The following DSE variants were observed in gnomAD, a reference collection of about 807,000 sequenced individuals.
The protein encoded by DSE is dermatan-sulfate epimerase.
Under a neutral mutation model 84.4 loss-of-function variants are expected in DSE, and 36 were observed. That is an observed-to-expected ratio of 0.43 (90% CI 0.33 to 0.56). The LOEUF (loss-of-function observed/expected upper bound fraction) is 0.56, where lower values mean the gene tolerates loss of function less well. Ranked by LOEUF, DSE falls within the 20% of genes least tolerant of loss-of-function variation. The probability of loss-of-function intolerance (pLI) is 0.06; values close to 1 mark genes in which losing one functional copy is unlikely to be tolerated. For synonymous variants in DSE, 410 were observed against 430.1 expected, an observed-to-expected ratio of 0.95 and a Z score of 0.58; for missense variants, 862 against 1,169.6, an observed-to-expected ratio of 0.74 and a Z score of 3.84.
chr6:116,298,949 T>A (rs1774829701), intron 2 of DSE, among the ~76,000 whole-genome samples: 1 of 152,216 alleles, frequency 6.6e-6, no homozygotes, highest in Non-Finnish European at 1.5e-5. Context: ...CTTGTTCTTT[T>A]GAACCCGTAG....
At chr6:116,267,620 A>G (rs547150010) in intron 2 of DSE, among the ~76,000 whole-genome samples, 1 of 152,312 alleles carries the variant, frequency 6.6e-6, no homozygotes, top group Admixed American at 6.5e-5. Flanking sequence ...TTATTATTGG[A>G]GAAAGAAAAA....
At chr6:116,409,169 A>G (rs968068165) in intron 2 of DSE, among the ~76,000 whole-genome samples, 1 of 152,248 alleles carries the variant, frequency 6.6e-6, no homozygotes, top group Non-Finnish European at 1.5e-5. Flanking sequence ...TATCTTTATT[A>G]CTTCACTTAT....
rs7742450 is a variant in DSE, at chr6:116,338,738, G to T, written c.-53-60460G>T. Among the ~76,000 whole-genome samples, 645 of 152,310 alleles carry T rather than the reference G, an allele frequency of 4.2e-3. 6 individuals are homozygous for T. The highest frequency in any genetic ancestry group is 0.015 in the African/African-American group (615 of 41,568). The stretch of plus-strand genomic sequence containing the variant: ...CACAGCTTATTCTATTTACAAAGTT[G>T]TAAAGTGATAGAAAGCTTTTTCCAT... On this transcript the variant is annotated intron_variant, in intron 2 of 3. Transcript: ENST00000430252.
rs922559343 is a variant in DSE, at chr6:116,407,801, G to A, written c.416+8135G>A. ...ATCAATCTATTTTCACCCATCCAGA[G>A]CTTAGAGATTTTTTACATTTTTTTC... On this transcript the variant is annotated intron_variant, in intron 2 of 5. Coordinates refer to ENST00000644252, the MANE Select transcript of DSE (RefSeq NM_013352.4). 3.3e-5 allele frequency among the ~76,000 whole-genome samples: 5 copies of A among 152,308 alleles called. No individual in the cohort carries two copies. The East Asian group carries it at 9.6e-4, about 29-fold the overall frequency.
chr6:116,418,432 T>A (rs985742193), intron 2 of DSE, among the ~76,000 whole-genome samples: 1 of 152,138 alleles, frequency 6.6e-6, no homozygotes, highest in African/African-American at 2.4e-5. Context: ...GGACCAACTC[T>A]ACCTTAGAGT....
In DSE at chr6:116,266,863, T is replaced by C. The variant is rs188907678; in HGVS notation, c.-54+7896T>C. Among the ~76,000 whole-genome samples, 227 of 152,344 alleles carry C rather than the reference T, an allele frequency of 1.5e-3. 1 individual carries two copies. The highest frequency in any genetic ancestry group is 2.3e-3 in the Admixed American group (35 of 15,304). On this transcript the variant is annotated intron_variant, in intron 2 of 3. Coordinates refer to the DSE transcript ENST00000430252. Reference sequence around the variant, plus strand: ...ATATCTAAAAAGTGCAAATTTTTTGTTTTCATATGTGAAATACTCATGTGC... The same window carrying C: ...ATATCTAAAAAGTGCAAATTTTTTGCTTTCATATGTGAAATACTCATGTGC...
chr6:116,394,651 T>C (rs1328200405), intron 1 of DSE, among the ~76,000 whole-genome samples: 1 of 152,178 alleles, frequency 6.6e-6, no homozygotes, highest in Admixed American at 6.5e-5. Context: ...TCTCACTATG[T>C]TGACCAGGCT....
intron 3 of DSE, among the ~76,000 whole-genome samples, chr6:116,427,767 C>G (rs1783540798): frequency 6.6e-6 from 1 of 152,238 alleles, no homozygotes; most frequent in Non-Finnish European, 1.5e-5. Flanking sequence ...CAATCTCTTT[C>G]TGCTGTATTT....
chr6:116,323,046 C>G (rs1776419014), intron 2 of DSE, among the ~76,000 whole-genome samples: 1 of 152,114 alleles, frequency 6.6e-6, no homozygotes, highest in South Asian at 2.1e-4. Context: ...TAGTGGTTCA[C>G]AGTATTTTGC....
chr6:116,268,613 C>A (rs1772740657), intron 2 of DSE, among the ~76,000 whole-genome samples: 1 of 152,178 alleles, frequency 6.6e-6, no homozygotes, highest in Non-Finnish European at 1.5e-5. Flanking sequence ...TTAATGAATA[C>A]CAGCTGCAGC....
At chr6:116,306,273 A>T (rs1224517699) in intron 2 of DSE, among the ~76,000 whole-genome samples, 1 of 152,228 alleles carries the variant, frequency 6.6e-6, no homozygotes, top group African/African-American at 2.4e-5. Context: ...ATTTTTAGAT[A>T]TTGAACTTAT....
chr6:116,418,507 T>A (rs1782863609), intron 2 of DSE, among the ~76,000 whole-genome samples: 1 of 152,082 alleles, frequency 6.6e-6, no homozygotes, highest in Admixed American at 6.5e-5. Context: ...ACATGATTGG[T>A]GTCTCATGTT....
At chr6:116,372,757 C>T (rs922823815) in intron 1 of DSE, among the ~76,000 whole-genome samples, 6 of 152,098 alleles carry the variant, frequency 3.9e-5, no homozygotes, top group African/African-American at 7.2e-5. Flanking sequence ...TCTCCATCAC[C>T]TAGTGACCCG....
At chr6:116,293,405 G>A (rs759737979) in intron 2 of DSE, among the ~76,000 whole-genome samples, 1 of 151,570 alleles carries the variant, frequency 6.6e-6, no homozygotes, top group Non-Finnish European at 1.5e-5. Context: ...CCAAGTAATT[G>A]GGACTACAGG....
chr6:116,309,773 T>C (rs1405237400), intron 2 of DSE, among the ~76,000 whole-genome samples: 2 of 152,176 alleles, frequency 1.3e-5, no homozygotes, highest in Admixed American at 6.5e-5. Flanking sequence ...ATGCTGTGTC[T>C]TCATATGGCA....
At chr6:116,310,973 T>C (rs1775660977) in intron 2 of DSE, among the ~76,000 whole-genome samples, 1 of 152,210 alleles carries the variant, frequency 6.6e-6, no homozygotes, top group Admixed American at 6.5e-5. Flanking sequence ...TCTGGCTAGG[T>C]GTGCTCTGAC....
At chr6:116,425,609 A>ATT (rs144275682) in intron 2 of DSE, among the ~76,000 whole-genome samples, 72 of 83,184 alleles carry the variant, frequency 8.7e-4, no homozygotes, top group African/African-American at 2.0e-3. Context: ...ATTTTATTTT[A>ATT]TTTATTTTTA....
upstream of DSE, among the ~76,000 whole-genome samples, chr6:116,368,790 T>G (rs1361656255): frequency 1.3e-5 from 2 of 152,202 alleles, no homozygotes; most frequent in Admixed American, 1.3e-4. Flanking sequence ...GCTTTCCTAA[T>G]GGATGAAGAA....
intron 2 of DSE, among the ~76,000 whole-genome samples, chr6:116,317,433 C>G (rs1776046764): frequency 6.6e-6 from 1 of 152,162 alleles, no homozygotes; most frequent in Admixed American, 6.5e-5. Flanking sequence ...CAAGATGTGT[C>G]CTTTCCAGAA....
Sources: gnomAD v4.1 joint callset for allele counts (sites outside exome capture counted in the v4.1 genomes callset) on GRCh38, gnomAD v4.1.1 for gene constraint, MANE v1.5 for transcripts, NCBI Gene and HGNC (gene_info 2026-07-23, HGNC 2026-07-21) for gene names.